TNXB: variants seen among roughly 807,000 people sequenced by gnomAD.
TNXB encodes the protein tenascin XB, also known as tenascin-X.
In TNXB, 183 loss-of-function variants were observed where a neutral mutation model predicts 340.5. The observed-to-expected ratio is 0.54, with a 90% confidence interval of 0.48 to 0.61. The LOEUF (loss-of-function observed/expected upper bound fraction) is 0.61, where lower values mean the gene tolerates loss of function less well. TNXB is among the 20% of genes least tolerant of loss of function. TNXB has a pLI of 0.00. For missense variants in TNXB, 4,613 were observed against 5,446.4 expected (o/e 0.85, Z 4.82); for synonymous variants, 2,121 against 2,314.5 (o/e 0.92, Z 2.40).
intron 18 of TNXB, among the ~76,000 whole-genome samples, chr6:32,065,787 T>C (rs941618812): frequency 1.4e-4 from 21 of 151,888 alleles, no homozygotes; most frequent in African/African-American, 5.1e-4. Context: ...CACGCTCCGC[T>C]TTTTTGTACT....
At chr6:32,106,078 T>A (rs1282320900) in intron 1 of TNXB, among the ~76,000 whole-genome samples, 2 of 132,228 alleles carry the variant, frequency 1.5e-5, no homozygotes, top group African/African-American at 5.8e-5. Flanking sequence ...TAATCTGTAG[T>A]GCTCCAAGTC....
At position 32,061,722 on chromosome 6, in the gene TNXB, T is replaced by C; in HGVS notation, c.7169-2A>G. 3.7e-6 allele frequency: 6 copies of C among 1,607,940 alleles called. No homozygotes were observed. Among genetic ancestry groups the C allele is most frequent in the Non-Finnish European group, 4.2e-6 (5 of 1,177,234 alleles). On this transcript the variant is annotated splice_acceptor_variant, in intron 20 of 43. Transcript: ENST00000644971. LOFTEE classifies it high-confidence loss of function. The surrounding 1 kb of genome is among the most constrained non-coding windows in gnomAD (Gnocchi z 4.4). ...GGCTGGGGGTCTCTTCCTCTGCAGC[T>C]GAGAAAAAGGGACACAGAGAGGATG... is the stretch of plus-strand genomic sequence containing the variant.
At position 32,096,127 on chromosome 6, in the gene TNXB, A is replaced by G. The variant is rs773548549; in HGVS notation, c.1726T>C (p.Cys576Arg). ...TCCTCGCCAGAGTAGCCGTCCTCGC[A>G]CACACACCGCCCATCTAGGCACTGG... ...RGQCLDGRCV[C>R]EDGYSGEDCG... The change falls in exon 3 of 44, where the codon TGC becomes CGC. Residue 576 changes from cysteine to arginine, a missense_variant. Around this residue, in one of 7 missense-constraint regions of TNXB, gnomAD observed 4,327 missense variants for 4,859.4 expected, o/e 0.89. Transcript: ENST00000644971. 9 of 1,602,282 alleles carry G rather than the reference A, an allele frequency of 5.6e-6. No individual in the cohort carries two copies. Among genetic ancestry groups the G allele is most frequent in the Admixed American group, 1.7e-5 (1 of 58,312 alleles).
rs1778612454 is a variant in TNXB at position 32,069,371 on chromosome 6, C to T, written c.5587+182G>A. Among the ~76,000 whole-genome samples, 2 of 152,172 alleles carry T rather than the reference C, an allele frequency of 1.3e-5. No individual in the cohort carries two copies. Among genetic ancestry groups the T allele is most frequent in the African/African-American group, 2.4e-5 (1 of 41,422 alleles). On this transcript the variant is annotated intron_variant, in intron 15 of 43. Coordinates refer to ENST00000644971, the MANE Select transcript of TNXB (RefSeq NM_001365276.2). This position sits in a 1 kb window ranked among gnomAD's most constrained non-coding sequence, Gnocchi z 6.2. ...GTCAAAATGCTGTCTCCAGGATGAT[C>T]GAAAGCAGACAGTGGTTGCTGGAGG...
In TNXB at chr6:32,087,432, G is replaced by T. The variant is rs1236822966; in HGVS notation, c.2780-1314C>A. On this transcript the variant is annotated intron_variant, in intron 6 of 43. Coordinates refer to ENST00000644971, the MANE Select transcript of TNXB (RefSeq NM_001365276.2). This position sits in a 1 kb window ranked among gnomAD's most constrained non-coding sequence, Gnocchi z 9.0. Reference sequence around the variant, plus strand: ...GCTGAGGCCGCCAGCGCAGCACCACGCGCTCGAACTGGCCGCGGAGCCCGT... The same window carrying T: ...GCTGAGGCCGCCAGCGCAGCACCACTCGCTCGAACTGGCCGCGGAGCCCGT... 4.2e-6 allele frequency: 2 copies of T among 478,546 alleles called. No individual in the cohort carries two copies. Among genetic ancestry groups the T allele is most frequent in the Non-Finnish European group, 8.3e-6 (2 of 240,754 alleles). 29.6% of individuals were successfully genotyped at this position (478,546 alleles called of 1,614,324 possible).
rs1220236806 is a variant in TNXB at position 32,042,850 on chromosome 6, G to C, written c.11926-19C>G. Reference sequence around the variant, plus strand: ...GGATCTCCTGTGGGACAGACAAGGGGGGGTCAGGGGAGAGGGAGGTGGAGA... The same window carrying C: ...GGATCTCCTGTGGGACAGACAAGGGCGGGTCAGGGGAGAGGGAGGTGGAGA... On this transcript the variant is annotated intron_variant, in intron 38 of 43. Coordinates refer to ENST00000644971, the MANE Select transcript of TNXB (RefSeq NM_001365276.2). 6.1e-6 allele frequency: 3 copies of C among 488,218 alleles called. No individual in the cohort carries two copies. The highest frequency in any genetic ancestry group is 4.0e-5 in the Admixed American group (1 of 24,924). The allele number at this position is 488,218 out of a possible 1,614,324, so 30.2% of individuals were successfully genotyped here. A position where few individuals can be genotyped will look rare whatever the true frequency, so the allele number is the denominator to read the frequency against.
intron 1 of TNXB, among the ~76,000 whole-genome samples, chr6:32,103,857 G>T (rs1037703467): frequency 1.3e-5 from 2 of 149,796 alleles, no homozygotes; most frequent in African/African-American, 4.9e-5. Flanking sequence ...TCAGCCTCCC[G>T]AGTAGCTGGG....
intron 26 of TNXB, among the ~76,000 whole-genome samples, chr6:32,050,616 T>A (rs1241675798): frequency 3.3e-5 from 5 of 150,580 alleles, no homozygotes; most frequent in East Asian, 2.0e-4. Flanking sequence ...TTACCCTCCC[T>A]GCACTGGGGT....
chr6:32,054,464 C>G (rs1403433181), intron 24 of TNXB, among the ~76,000 whole-genome samples: 1 of 152,230 alleles, frequency 6.6e-6, no homozygotes, highest in East Asian at 1.9e-4. Flanking sequence ...CCACTCAATC[C>G]TCAGTGTCTC....
chr6:32,095,154 C>A lies in TNXB; in HGVS notation c.2280G>T (p.Leu760Phe), dbSNP rs1325875762. The change falls in exon 4 of 44, where the codon TTG (leucine) becomes TTT (phenylalanine). Residue 760 changes from leucine to phenylalanine, a missense_variant. Leu to Phe is a conservative substitution (Grantham distance 22). Coordinates refer to ENST00000644971, the MANE Select transcript of TNXB (RefSeq NM_001365276.2). Reference sequence around the variant, plus strand: ...ACTCTGTCCGAACTGTTGTCTCCTCCAAGAGATGCATCCTCATGCCCTCAA... The same window carrying A: ...ACTCTGTCCGAACTGTTGTCTCCTCAAAGAGATGCATCCTCATGCCCTCAA... ...PTIEGMRMHL[L>F]EETTVRTEWT... 5 of 1,550,218 alleles carry A rather than the reference C, an allele frequency of 3.2e-6. No individual in the cohort carries two copies. The highest frequency in any genetic ancestry group is 4.4e-6 in the Non-Finnish European group (5 of 1,146,376).
rs1374017898 is a variant in TNXB at position 32,047,737 on chromosome 6, T to C, written c.10321A>G (p.Thr3441Ala). The C allele has an allele frequency of 6.3e-7, 1 of 1,596,510 alleles. No individual in the cohort carries two copies. Among genetic ancestry groups the C allele is most frequent in the South Asian group, 1.1e-5 (1 of 89,266 alleles). ...TGGAGGCTGGACTGGGACTCACCTG[T>C]GGTGCTGTCAGCAGAGATGGGGCCC... ...RLGPISADST[T>A]APLEKELPPH... The change falls in exon 30 of 44, where the codon ACA becomes GCA. Residue 3441 changes from threonine (T) to alanine (A), a missense_variant. This residue lies in a region of TNXB where 4,327 missense variants were observed against 4,859.4 expected (regional missense o/e 0.89). Coordinates refer to ENST00000644971, the MANE Select transcript of TNXB (RefSeq NM_001365276.2). This position sits in a 1 kb window ranked among gnomAD's most constrained non-coding sequence, Gnocchi z 6.2.
In TNXB at chr6:32,081,721, TG is replaced by T; in HGVS notation, c.3737-49del. On this transcript the variant is annotated intron_variant, in intron 9 of 43. Transcript: ENST00000644971. The surrounding 1 kb of genome is among the most constrained non-coding windows in gnomAD (Gnocchi z 5.1). ...AGGTGCTGAACTGGCAGCCTGGGAC[TG>T]GGGCTTGGGGTTTCGACGGGATGTC... 7.3e-7 allele frequency: 1 copy of T among 1,374,650 alleles called. No individual in the cohort carries two copies. Among genetic ancestry groups the T allele is most frequent in the Non-Finnish European group, 9.7e-7 (1 of 1,035,412 alleles). The allele number at this position is 1,374,650 out of a possible 1,614,324, so 85.2% of individuals were successfully genotyped here.
rs1329160435 is a variant in TNXB, at chr6:32,073,358, G to A, written c.4681+289C>T. The stretch of plus-strand genomic sequence containing the variant: ...AACAGCTGTGGGCAGTCGGAGAGGG[G>A]GAGAGAAAGTCTGTGGCTGGATTTA... On this transcript the variant is annotated intron_variant, in intron 12 of 43. Coordinates refer to ENST00000644971, the MANE Select transcript of TNXB (RefSeq NM_001365276.2). This position sits in a 1 kb window ranked among gnomAD's most constrained non-coding sequence, Gnocchi z 4.6. 6.6e-6 allele frequency among the ~76,000 whole-genome samples: 1 copy of A among 152,190 alleles called. No individual in the cohort carries two copies. The highest frequency in any genetic ancestry group is 1.5e-5 in the Non-Finnish European group (1 of 68,040).
At chr6:32,107,729 G>A (rs1333907970) in intron 1 of TNXB, among the ~76,000 whole-genome samples, 4 of 152,252 alleles carry the variant, frequency 2.6e-5, no homozygotes, top group East Asian at 3.9e-4. Context: ...GGTCCCAAGG[G>A]GTGGGGAGAG....
intron 4 of TNXB, among the ~76,000 whole-genome samples, chr6:32,092,969 C>A (rs2127280476): frequency 6.6e-6 from 1 of 152,362 alleles, no homozygotes; most frequent in South Asian, 2.1e-4. Flanking sequence ...GCACCACCAT[C>A]CTGGCTCTGA....
At chr6:32,065,692 T>C (rs912789980) in intron 18 of TNXB, among the ~76,000 whole-genome samples, 10 of 152,190 alleles carry the variant, frequency 6.6e-5, no homozygotes, top group Non-Finnish European at 1.3e-4. Flanking sequence ...CGATCTTGGC[T>C]CACTGCAACC....
rs539809724 is a variant in TNXB, at chr6:32,099,659, TG to T, written c.-8-1454del. On this transcript the variant is annotated intron_variant, in intron 1 of 43. Coordinates refer to ENST00000644971, the MANE Select transcript of TNXB (RefSeq NM_001365276.2). ...GATTAAAAGCATGAGCCACCATGCTTGGCTTCTCTCTCTTTTTTATTCAACT... is the reference window on the plus strand; with the variant it reads ...GATTAAAAGCATGAGCCACCATGCTTGCTTCTCTCTCTTTTTTATTCAACT... 2.1e-3 allele frequency among the ~76,000 whole-genome samples: 315 copies of T among 152,002 alleles called. 2 individuals carry two copies. Among genetic ancestry groups the T allele is most frequent in the African/African-American group, 7.2e-3 (300 of 41,438 alleles).
At chr6:32,102,829 A>G (rs1217848167) in intron 1 of TNXB, among the ~76,000 whole-genome samples, 5 of 152,158 alleles carry the variant, frequency 3.3e-5, no homozygotes, top group Admixed American at 3.3e-4. Flanking sequence ...CTAAGGCAAA[A>G]GAATTGCTTG....
In TNXB at chr6:32,072,629, C is replaced by T. The variant is rs1778843918; in HGVS notation, c.4682-331G>A. Among the ~76,000 whole-genome samples, 1 of 152,224 alleles carries T rather than the reference C, an allele frequency of 6.6e-6. No homozygotes were observed. The highest frequency in any genetic ancestry group is 6.5e-5 in the Admixed American group (1 of 15,284). ...CCACCAAGTCCTGTTATTTAATGAA[C>T]TAGTAAATAAGTCCAAGTATTACTA... is the stretch of plus-strand genomic sequence containing the variant. On this transcript the variant is annotated intron_variant, in intron 12 of 43. Transcript: ENST00000644971. This position sits in a 1 kb window ranked among gnomAD's most constrained non-coding sequence, Gnocchi z 4.4.
Sources: allele counts gnomAD v4.1 joint callset (sites outside exome capture counted in the v4.1 genomes callset), GRCh38; gene constraint gnomAD v4.1.1; regional missense constraint gnomAD v4.1.1; non-coding constraint Gnocchi (gnomAD v3.1); transcripts MANE v1.5; gene names NCBI Gene and HGNC (gene_info 2026-07-23, HGNC 2026-07-21).